The following LINS1 variants were observed in gnomAD, a reference collection of about 807,000 sequenced individuals.
LINS1 encodes the protein lines homolog 1.
LINS1 carries 27 observed loss-of-function variants against 41.6 expected under a neutral mutation model. The ratio of observed to expected loss-of-function variants is 0.65; its 90% CI spans 0.48 to 0.89. LINS1 has a LOEUF of 0.89. Among genes scored for constraint, LINS1 ranks in the 40% least tolerant of loss-of-function variants. The probability of loss-of-function intolerance (pLI) is 0.00; values close to 1 mark genes in which losing one functional copy is unlikely to be tolerated. For missense variants in LINS1, 955 were observed against 884.1 expected, an observed-to-expected ratio of 1.08 and a Z score of -1.02; for synonymous variants, 336 against 312.9, an observed-to-expected ratio of 1.07 and a Z score of -0.78.
chr15:100,596,199 C>T (rs1479569805), intron 1 of LINS1, among the ~76,000 whole-genome samples: 1 of 152,192 alleles, frequency 6.6e-6, no homozygotes, highest in Admixed American at 6.5e-5. Context: ...GAGTGCTACA[C>T]CATCCTTCCT....
Position 100,569,924 on chromosome 15 carries a change from A to T in LINS1, c.1588T>A (p.Leu530Ile). ...FLEYFVRYLK[L>I]LQKDWDNFFT... ...AAATTATCCCAGTCCTTTTGCAGTAATTTTAAATATCTAACAAAATATTCA... is the reference window on the plus strand; with the variant it reads ...AAATTATCCCAGTCCTTTTGCAGTATTTTTAAATATCTAACAAAATATTCA... The change falls in exon 7 of 7, where the codon TTA becomes ATA. Residue 530 changes from leucine (L) to isoleucine (I), a missense_variant. By Grantham distance (5) the Leu-to-Ile change is conservative. Coordinates refer to ENST00000314742, the MANE Select transcript of LINS1 (RefSeq NM_001040616.3). 1.5e-5 allele frequency: 24 copies of T among 1,599,264 alleles called. No homozygotes were observed. Among genetic ancestry groups the T allele is most frequent in the Non-Finnish European group, 2.0e-5 (24 of 1,171,030 alleles).
intron 1 of LINS1, among the ~76,000 whole-genome samples, chr15:100,601,638 C>G (rs1337544108): frequency 6.6e-6 from 1 of 152,076 alleles, no homozygotes; most frequent in Non-Finnish European, 1.5e-5. Context: ...CCATCCCTAT[C>G]TGATAATTTT....
rs561040708 is a variant in LINS1 at position 100,568,916 on chromosome 15, G to C, written c.*322C>G. 39 of 231,574 alleles carry C rather than the reference G, an allele frequency of 1.7e-4. No homozygotes were observed. The highest frequency in any genetic ancestry group is 3.5e-4 in the African/African-American group (15 of 42,988). The allele number at this position is 231,574 out of a possible 1,614,324, so 14.3% of individuals were successfully genotyped here. A position where few individuals can be genotyped will look rare whatever the true frequency, so the allele number is the denominator to read the frequency against. Reference sequence around the variant, plus strand: ...GGACAGGCGGATCACTTGAGGTCAGGAGTTTGAGACCAGCCTGGCAACATG... The same window carrying C: ...GGACAGGCGGATCACTTGAGGTCAGCAGTTTGAGACCAGCCTGGCAACATG... On this transcript the variant is annotated 3_prime_UTR_variant, in exon 7 of 7. Transcript: ENST00000314742.
At chr15:100,596,378 A>G (rs2039245258) in intron 1 of LINS1, among the ~76,000 whole-genome samples, 1 of 151,750 alleles carries the variant, frequency 6.6e-6, no homozygotes, top group Admixed American at 6.6e-5. Flanking sequence ...TGAGAATACA[A>G]ACTCTGTCAC....
Position 100,569,562 on chromosome 15 carries a change from T to C in LINS1, c.1950A>G (p.Thr650=), listed in dbSNP as rs770554383. Residue 650 remains threonine (T), a synonymous_variant, in exon 7 of 7, where the codon ACA becomes ACG. Transcript: ENST00000314742. The part of the protein sequence containing the change: ...TEQCLANSKQ[T]SLHQQATKEI... ...CCTTAGTTGCTTGCTGGTGTAAAGA[T>C]GTCTGTTTACTGTTAGCTAAACACT... 2 of 1,614,190 alleles carry C rather than the reference T, an allele frequency of 1.2e-6. No individual in the cohort carries two copies. The highest frequency in any genetic ancestry group is 1.7e-6 in the Non-Finnish European group (2 of 1,179,996).
rs2037612518 is a variant in LINS1 at position 100,567,894 on chromosome 15, C to T, written c.*1344G>A. ...ATGTCTACCTGAATTAAGTACTAAA[C>T]TGTTTCGAATACCATAGCCTTAATA... On this transcript the variant is annotated 3_prime_UTR_variant, in exon 7 of 7. Transcript: ENST00000314742. 1 of 152,126 alleles carries T rather than the reference C, an allele frequency of 6.6e-6. No homozygotes were observed. The highest frequency in any genetic ancestry group is 1.5e-5 in the Non-Finnish European group (1 of 68,036). The allele number at this position is 152,126 out of a possible 1,614,324, so 9.4% of individuals were successfully genotyped here.
chr15:100,601,875 C>G (rs931062055), intron 1 of LINS1, among the ~76,000 whole-genome samples: 1 of 152,118 alleles, frequency 6.6e-6, no homozygotes, highest in South Asian at 2.1e-4. Flanking sequence ...AAAGAGAGTC[C>G]GTTCTCCCAC....
At chr15:100,590,876 A>G (rs1259899918) in intron 1 of LINS1, among the ~76,000 whole-genome samples, 1 of 152,188 alleles carries the variant, frequency 6.6e-6, no homozygotes, top group Non-Finnish European at 1.5e-5. Flanking sequence ...TTATCCTCCC[A>G]ATAGTCATAA....
chr15:100,599,105 C>T lies in LINS1; in HGVS notation c.-104+3016G>A, dbSNP rs189888961. ...GAAATAAACTCAATTCTGATTGAGT[C>T]AGGGTTTCATGAATCAAGCTTCATG... On this transcript the variant is annotated intron_variant, in intron 1 of 6. Transcript: ENST00000314742. Among the ~76,000 whole-genome samples the T allele has an allele frequency of 2.0e-3, 312 of 152,324 alleles. 1 individual carries two copies. The highest frequency in any genetic ancestry group is 2.6e-3 in the Non-Finnish European group (176 of 68,022).
chr15:100,594,794 T>C (rs1037659956), intron 1 of LINS1, among the ~76,000 whole-genome samples: 2 of 152,276 alleles, frequency 1.3e-5, no homozygotes, highest in Non-Finnish European at 1.5e-5. Flanking sequence ...AGCCAAAATT[T>C]TTCCCCAATT....
Position 100,580,735 on chromosome 15 carries a change from A to C in LINS1, c.108T>G (p.Val36=). The change falls in exon 2 of 7, where the codon GTT becomes GTG. Residue 36 remains valine, a synonymous_variant. Transcript: ENST00000314742. ...TGGCTGTAGAACAATCTTGATCTGA[A>C]ACTGCTGGGTTGAGATAAAAGATGT... ...HDYIFYLNPA[V]SDQDCSTATS... 5.0e-6 allele frequency: 8 copies of C among 1,611,238 alleles called. No individual in the cohort carries two copies. Among genetic ancestry groups the C allele is most frequent in the Non-Finnish European group, 6.8e-6 (8 of 1,177,812 alleles).
At chr15:100,571,777 A>C (rs2037839052) in intron 6 of LINS1, 117 bp downstream of exon 6, 1 of 1,227,250 alleles carries the variant, frequency 8.1e-7, no homozygotes, top group Non-Finnish European at 1.2e-6. Flanking sequence ...AAGGAACTGC[A>C]ACAGGATGTT....
Position 100,569,469 on chromosome 15 carries a change from A to G in LINS1, c.2043T>C (p.Pro681=), listed in dbSNP as rs1336045552. Residue 681 remains proline, a synonymous_variant, in exon 7 of 7, where the codon CCT becomes CCC. Transcript: ENST00000314742. ...CAGTATCAAATTCTTTCAGAACCAG[A>G]GGCCTTGATGGAGGCTCAAGGCTAA... ...KEFSLEPPSR[P]LVLKEFDTAF... is the part of the protein sequence containing the mutation. 6.2e-7 allele frequency: 1 copy of G among 1,614,060 alleles called. No homozygotes were observed. The highest frequency in any genetic ancestry group is 2.2e-5 in the East Asian group (1 of 44,886).
At chr15:100,596,561 T>TAG (rs2039253153) in intron 1 of LINS1, among the ~76,000 whole-genome samples, 1 of 152,254 alleles carries the variant, frequency 6.6e-6, no homozygotes, top group Non-Finnish European at 1.5e-5. Context: ...ATACAGGAGC[T>TAG]AGAAATTATT....
chr15:100,582,925 T>A (rs2038627483), intron 1 of LINS1, among the ~76,000 whole-genome samples: 1 of 150,348 alleles, frequency 6.7e-6, no homozygotes, highest in Non-Finnish European at 1.5e-5. Context: ...GGGTCTTCCA[T>A]CTACACTATG....
intron 1 of LINS1, among the ~76,000 whole-genome samples, chr15:100,585,911 T>C (rs899007471): frequency 6.6e-6 from 1 of 152,262 alleles, no homozygotes; most frequent in African/African-American, 2.4e-5. Context: ...TTGTCTTTGC[T>C]AGATATTTTG....
chr15:100,576,864 G>A (rs961692660), intron 3 of LINS1, among the ~76,000 whole-genome samples: 2 of 152,210 alleles, frequency 1.3e-5, no homozygotes, highest in Non-Finnish European at 2.9e-5. Flanking sequence ...CGCAAGGCTG[G>A]TTCAACATAT....
At chr15:100,583,504 T>C (rs183286958) in intron 1 of LINS1, among the ~76,000 whole-genome samples, 56 of 152,340 alleles carry the variant, frequency 3.7e-4, no homozygotes, top group African/African-American at 1.3e-3. Flanking sequence ...TCCCATATGA[T>C]TGATTAATAC....
At chr15:100,596,381 T>A (rs1378937445) in intron 1 of LINS1, among the ~76,000 whole-genome samples, 4 of 151,428 alleles carry the variant, frequency 2.6e-5, no homozygotes, top group Non-Finnish European at 5.9e-5. Context: ...GAATACAAAC[T>A]CTGTCACGTG....
Sources: allele counts gnomAD v4.1 joint callset (sites outside exome capture counted in the v4.1 genomes callset), GRCh38; gene constraint gnomAD v4.1.1; transcripts MANE v1.5; gene names NCBI Gene and HGNC (gene_info 2026-07-23, HGNC 2026-07-21).